ELF5: variants seen among roughly 807,000 people sequenced by gnomAD.
The protein encoded by ELF5 is ETS-related transcription factor Elf-5.
A neutral mutation model predicts 38.2 loss-of-function variants in ELF5; 31 were observed. That is an observed-to-expected ratio of 0.81 (90% CI 0.61 to 1.10). ELF5 has a LOEUF of 1.10. ELF5 is among the 50% of genes least tolerant of loss of function. ELF5 has a pLI of 0.00. For missense variants in ELF5, 300 were observed against 306.6 expected (o/e 0.98, Z 0.16); for synonymous variants, 121 against 112.5 (o/e 1.08, Z -0.48).
intron 1 of ELF5, among the ~76,000 whole-genome samples, chr11:34,512,008 G>A (rs1050616885): frequency 1.3e-5 from 2 of 152,282 alleles, no homozygotes; most frequent in South Asian, 2.1e-4. Context: ...CCCACCCTCT[G>A]AGTGGTATCA....
chr11:34,502,047 C>A (rs1850485030), intron 2 of ELF5, among the ~76,000 whole-genome samples: 1 of 152,126 alleles, frequency 6.6e-6, no homozygotes, highest in Non-Finnish European at 1.5e-5. Context: ...AGAGGGAAGG[C>A]TGTTTTTCCA....
At chr11:34,510,633 G>A (rs1850728587) in intron 1 of ELF5, among the ~76,000 whole-genome samples, 2 of 152,162 alleles carry the variant, frequency 1.3e-5, no homozygotes, top group Admixed American at 1.3e-4. Context: ...GCCTGCTCAA[G>A]GGGGGTGATA....
At chr11:34,486,170 G>A (rs1186326265) in intron 4 of ELF5, among the ~76,000 whole-genome samples, 1 of 152,154 alleles carries the variant, frequency 6.6e-6, no homozygotes, top group Middle Eastern at 3.2e-3. Context: ...TAGCAGTCCA[G>A]CCATGGAGCC....
intron 3 of ELF5, chr11:34,491,975 T>A (rs1683013820): frequency 6.6e-6 from 1 of 152,162 alleles, no homozygotes; most frequent in Admixed American, 6.5e-5. Context: ...CACAAGAGCA[T>A]GGAGACAAAT....
At chr11:34,490,685 G>C (rs1850146282) in intron 3 of ELF5, among the ~76,000 whole-genome samples, 1 of 152,196 alleles carries the variant, frequency 6.6e-6, no homozygotes, top group Non-Finnish European at 1.5e-5. Context: ...GGGGTTGAAT[G>C]AGGAGTTTGA....
rs552540771 is a variant in ELF5, at chr11:34,510,035, T to C, written c.-5+3642A>G. 3.3e-5 allele frequency among the ~76,000 whole-genome samples: 5 copies of C among 152,374 alleles called. No individual in the cohort carries two copies. In the South Asian group the frequency reaches 1.0e-3, roughly 32 times the overall value. On this transcript the variant is annotated intron_variant, in intron 1 of 6. Transcript: ENST00000257832. ...TCATTTGGTAAATTGAATGGCATTA[T>C]ATAAAAACTAGAAATATTTTTTGAT...
intron 1 of ELF5, among the ~76,000 whole-genome samples, chr11:34,509,499 C>T (rs576393857): frequency 6.6e-6 from 1 of 152,206 alleles, no homozygotes; most frequent in South Asian, 2.1e-4. Flanking sequence ...TTAATGTGCT[C>T]TGCAGATTAT....
Position 34,480,117 on chromosome 11 carries a change from TAA to T in ELF5, c.*99_*100del, listed in dbSNP as rs3215756. On this transcript the variant is annotated 3_prime_UTR_variant, in exon 7 of 7. Transcript: ENST00000257832. ...AAATTTTATCAGCATGTTTGCAGGT[TAA>T]AAAAAAAGAGAAGAAAATGAAGCCT... The T allele has an allele frequency of 1.7e-5, 16 of 943,498 alleles. No individual in the cohort carries two copies. In the East Asian group the frequency reaches 3.4e-4, roughly 20 times the overall value. The allele number at this position is 943,498 out of a possible 1,614,324, so 58.4% of individuals were successfully genotyped here.
intron 2 of ELF5, among the ~76,000 whole-genome samples, chr11:34,497,485 T>G (rs1000760140): frequency 9.2e-5 from 14 of 152,208 alleles, no homozygotes; most frequent in African/African-American, 3.4e-4. Flanking sequence ...TTTTCAGAAA[T>G]TCTAGGGGAA....
chr11:34,489,427 C>T (rs1264762712), intron 4 of ELF5, among the ~76,000 whole-genome samples: 1 of 152,140 alleles, frequency 6.6e-6, no homozygotes, highest in Non-Finnish European at 1.5e-5. Flanking sequence ...GCCAGGGACT[C>T]AGTAACTAAT....
chr11:34,490,060 C>G lies in ELF5; in HGVS notation c.356-1G>C, dbSNP rs1850124809. 6.2e-7 allele frequency: 1 copy of G among 1,613,756 alleles called. No homozygotes were observed. On this transcript the variant is annotated splice_acceptor_variant, in intron 3 of 6. Transcript: ENST00000257832. LOFTEE classifies it high-confidence loss of function. ...TCAGCGTCATTAAAAAAGGAGTAAC[C>G]TGGGAAAGAAAAAGAAATCCAGAAA...
intron 4 of ELF5, among the ~76,000 whole-genome samples, chr11:34,488,022 G>A (rs910714756): frequency 1.3e-4 from 20 of 151,622 alleles, no homozygotes; most frequent in African/African-American, 4.4e-4. Flanking sequence ...TCTTTTCCTG[G>A]GTAACTTCTT....
In ELF5 at chr11:34,480,273, C is replaced by T. The variant is rs764662088; in HGVS notation, c.713G>A (p.Arg238Lys). Residue 238 changes from arginine (R) to lysine (K), a missense_variant, in exon 7 of 7, where the codon AGG (arginine) becomes AAG (lysine). Transcript: ENST00000257832. The part of the protein sequence containing the change: ...KTGILERVDR[R>K]LVYKFGKNAH... ...ATTTTTTCCAAATTTGTACACTAAC[C>T]TTCGGTCAACCCGCTCCAAAATTCC... 1 of 1,614,026 alleles carries T rather than the reference C, an allele frequency of 6.2e-7. No homozygotes were observed. The highest frequency in any genetic ancestry group is 1.3e-5 in the African/African-American group (1 of 74,982).
At chr11:34,493,758 C>T (rs1272465033) in intron 2 of ELF5, 46 bp from the exon 3 acceptor site, 11 of 1,559,760 alleles carry the variant, frequency 7.1e-6, no homozygotes, top group Non-Finnish European at 9.7e-6. Flanking sequence ...CCCAAGACAG[C>T]CTTCGAGAGG....
At chr11:34,506,814 G>A (rs7104394) in intron 1 of ELF5, among the ~76,000 whole-genome samples, 20,176 of 151,880 alleles carry the variant, frequency 0.13, 1,491 homozygotes, top group Admixed American at 0.21. Context: ...GAAACTGGCC[G>A]AAAAAAATAA....
intron 2 of ELF5, among the ~76,000 whole-genome samples, chr11:34,495,526 A>G (rs1393229779): frequency 1.3e-5 from 2 of 152,194 alleles, no homozygotes; most frequent in East Asian, 3.9e-4. Flanking sequence ...ATTCCACAAA[A>G]AAGGAAATAG....
At chr11:34,509,782 G>T (rs1477626128) in intron 1 of ELF5, among the ~76,000 whole-genome samples, 1 of 152,186 alleles carries the variant, frequency 6.6e-6, no homozygotes, top group East Asian at 1.9e-4. Context: ...GGGCCAGAAG[G>T]CTCAGAAAAC....
At chr11:34,508,659 C>T (rs1006118117) in intron 1 of ELF5, among the ~76,000 whole-genome samples, 9 of 152,188 alleles carry the variant, frequency 5.9e-5, no homozygotes, top group Non-Finnish European at 1.2e-4. Context: ...AAAAAGTTTG[C>T]AACCCCTAAC....
At chr11:34,510,708 AGT>A (rs1469181746) in intron 1 of ELF5, among the ~76,000 whole-genome samples, 1 of 152,188 alleles carries the variant, frequency 6.6e-6, no homozygotes, top group Non-Finnish European at 1.5e-5. Flanking sequence ...TATTAATTAC[AGT>A]GTTTTATCAT....
Sources: allele counts gnomAD v4.1 joint callset (sites outside exome capture counted in the v4.1 genomes callset), GRCh38; gene constraint gnomAD v4.1.1; transcripts MANE v1.5; gene names NCBI Gene and HGNC (gene_info 2026-07-23, HGNC 2026-07-21).